Variants in DIP2C observed in about 807,000 individuals in gnomAD.
The protein encoded by DIP2C is disco-interacting protein 2 homolog C.
In DIP2C, 33 loss-of-function variants were observed where a neutral mutation model predicts 192.4. That is an observed-to-expected ratio of 0.17 (90% CI 0.13 to 0.23). DIP2C has a LOEUF of 0.23. Ranked by LOEUF, DIP2C falls within the 10% of genes least tolerant of loss-of-function variation. The pLI, the probability that DIP2C is intolerant of heterozygous loss-of-function variation, is 1.00. For synonymous variants in DIP2C, 979 were observed against 864.1 expected (o/e 1.13, Z -2.33); for missense variants, 1,537 against 2,110.1 (o/e 0.73, Z 5.32).
At chr10:484,037 T>C (rs1022848118) in intron 2 of DIP2C, among the ~76,000 whole-genome samples, 16 of 152,262 alleles carry the variant, frequency 1.1e-4, no homozygotes, top group African/African-American at 3.8e-4. Context: ...CTGAAACACC[T>C]GGACCTAAGC....
Position 604,136 on chromosome 10 carries a change from G to T in DIP2C, c.85+85358C>A, listed in dbSNP as rs979198583. 4.6e-5 allele frequency among the ~76,000 whole-genome samples: 7 copies of T among 151,492 alleles called. No individual in the cohort carries two copies. The South Asian group carries it at 8.4e-4, about 18-fold the overall frequency. ...TCAAGGCATGTGTGTGAGGACACTG[G>T]ACCCACCTGGACAATCCAGGGTCCT... On this transcript the variant is annotated intron_variant, in intron 1 of 36. Coordinates refer to ENST00000280886, the MANE Select transcript of DIP2C (RefSeq NM_014974.3).
At chr10:606,518 C>T (rs1004826543) in intron 1 of DIP2C, among the ~76,000 whole-genome samples, 1 of 150,284 alleles carries the variant, frequency 6.7e-6, no homozygotes, top group African/African-American at 2.5e-5. Context: ...TCTCACGGCC[C>T]CGCTGCCGTA....
At chr10:280,711 G>A (rs1351521700) in intron 36 of DIP2C, among the ~76,000 whole-genome samples, 1 of 152,334 alleles carries the variant, frequency 6.6e-6, no homozygotes. Context: ...CAGGTGCGAC[G>A]CACACACCTT....
At chr10:558,763 A>G (rs963095318) in intron 1 of DIP2C, among the ~76,000 whole-genome samples, 5 of 152,214 alleles carry the variant, frequency 3.3e-5, no homozygotes, top group African/African-American at 1.2e-4. Flanking sequence ...GCCATCAATT[A>G]TTTCTGGTAA....
chr10:336,897 TG>T (rs1957801384), intron 29 of DIP2C, among the ~76,000 whole-genome samples: 2 of 88,202 alleles, frequency 2.3e-5, no homozygotes, highest in South Asian at 8.0e-4. Flanking sequence ...CCTAGGCAGG[TG>T]TGTGTGTGTG....
At chr10:539,352 T>C (rs1283213437) in intron 1 of DIP2C, among the ~76,000 whole-genome samples, 1 of 152,224 alleles carries the variant, frequency 6.6e-6, no homozygotes, top group African/African-American at 2.4e-5. Context: ...GACTTTATTA[T>C]TCATTAAACA....
At chr10:443,836 A>T (rs187154838) in intron 3 of DIP2C, among the ~76,000 whole-genome samples, 5 of 152,340 alleles carry the variant, frequency 3.3e-5, no homozygotes, top group Admixed American at 1.3e-4. Flanking sequence ...TGAAAAATCT[A>T]TCAAATAGAG....
chr10:530,089 C>T (rs1161829358), intron 1 of DIP2C, among the ~76,000 whole-genome samples: 1 of 152,256 alleles, frequency 6.6e-6, no homozygotes, highest in Non-Finnish European at 1.5e-5. Flanking sequence ...CCACGCCTGC[C>T]GCCGTCTAAG....
rs1244690566 is a variant in DIP2C at position 464,803 on chromosome 10, C to G, written c.268+7636G>C. 5.3e-5 allele frequency among the ~76,000 whole-genome samples: 8 copies of G among 152,058 alleles called. 1 individual carries two copies. Among genetic ancestry groups the G allele is most frequent in the Admixed American group, 5.2e-4 (8 of 15,256 alleles). ...AAAATCTAGAAGAAATGGATACATT[C>G]CTCGACACATACTCTCTCCCAAGAC... On this transcript the variant is annotated intron_variant, in intron 3 of 36. Transcript: ENST00000280886.
At chr10:326,953 C>T (rs1957298354) in intron 31 of DIP2C, 53 bp downstream of exon 31, 1 of 1,573,338 alleles carries the variant, frequency 6.4e-7, no homozygotes, top group Non-Finnish European at 8.6e-7. Flanking sequence ...TGTGCTGTAC[C>T]CACCCCGGGA....
At chr10:361,755 C>T (rs551833248) in intron 22 of DIP2C, among the ~76,000 whole-genome samples, 4 of 152,116 alleles carry the variant, frequency 2.6e-5, no homozygotes, top group Admixed American at 6.5e-5. Context: ...AGGCTGTTTA[C>T]GTCCCGAGGC....
chr10:574,459 C>T (rs57259120), intron 1 of DIP2C, among the ~76,000 whole-genome samples: 1 of 152,326 alleles, frequency 6.6e-6, no homozygotes, highest in East Asian at 1.9e-4. Flanking sequence ...AGCAGACAGC[C>T]TCATATGACG....
rs1442338619 is a variant in DIP2C at position 363,035 on chromosome 10, G to A, written c.2592+162C>T. Reference sequence around the variant, plus strand: ...GGTCCCTACACCCTCGATCTGCTGAGCTAGTTTCTGGACACTTGATGTAGT... The same window carrying A: ...GGTCCCTACACCCTCGATCTGCTGAACTAGTTTCTGGACACTTGATGTAGT... On this transcript the variant is annotated intron_variant, in intron 21 of 36. Transcript: ENST00000280886. The surrounding 1 kb of genome is among the most constrained non-coding windows in gnomAD (Gnocchi z 5.4). 6.6e-6 allele frequency among the ~76,000 whole-genome samples: 1 copy of A among 152,194 alleles called. No individual in the cohort carries two copies. Among genetic ancestry groups the A allele is most frequent in the African/African-American group, 2.4e-5 (1 of 41,452 alleles).
chr10:477,946 AAGAAGGAAAGAAAAG>A (rs1307328321), intron 2 of DIP2C, among the ~76,000 whole-genome samples: 1 of 101,800 alleles, frequency 9.8e-6, no homozygotes, highest in African/African-American at 4.0e-5. Context: ...AAGGAAGGAA[AAGAAGGAAAGAAAAG>A]AGAAGGAAGG....
chr10:453,813 G>A (rs1033727178), intron 3 of DIP2C, among the ~76,000 whole-genome samples: 3 of 152,224 alleles, frequency 2.0e-5, no homozygotes, highest in Non-Finnish European at 4.4e-5. Context: ...AGCCATCTCA[G>A]GCAGGGAGGG....
At chr10:637,843 T>C (rs1351872758) in intron 1 of DIP2C, among the ~76,000 whole-genome samples, 5 of 152,240 alleles carry the variant, frequency 3.3e-5, no homozygotes, top group Non-Finnish European at 7.3e-5. Flanking sequence ...CTGAGTGCCC[T>C]GGTCTGCATG....
At chr10:337,902 G>A (rs911549338) in intron 29 of DIP2C, among the ~76,000 whole-genome samples, 13 of 150,352 alleles carry the variant, frequency 8.6e-5, no homozygotes, top group African/African-American at 3.2e-4. Context: ...GTGTGTGTGT[G>A]TTGTGGAGGC....
chr10:447,579 T>A (rs1968366898), intron 3 of DIP2C, among the ~76,000 whole-genome samples: 1 of 129,414 alleles, frequency 7.7e-6, no homozygotes, highest in Admixed American at 8.0e-5. Context: ...CCGTCGATAA[T>A]CAGGATCACA....
chr10:377,622 G>A (rs533124029), intron 17 of DIP2C, among the ~76,000 whole-genome samples: 6 of 152,292 alleles, frequency 3.9e-5, no homozygotes, highest in African/African-American at 1.4e-4. Context: ...TCCGAGCAGT[G>A]GGAAGTGCTC....
Sources: gnomAD v4.1 joint callset for allele counts (sites outside exome capture counted in the v4.1 genomes callset) on GRCh38, gnomAD v4.1.1 for gene constraint, Gnocchi (gnomAD v3.1) non-coding constraint, MANE v1.5 for transcripts, NCBI Gene and HGNC (gene_info 2026-07-23, HGNC 2026-07-21) for gene names.